FLII: variants seen among roughly 807,000 people sequenced by gnomAD.
The protein encoded by FLII is protein flightless-1 homolog.
FLII carries 101 observed loss-of-function variants against 156.2 expected under a neutral mutation model. That is an observed-to-expected ratio of 0.65 (90% confidence interval 0.55 to 0.76). The LOEUF (loss-of-function observed/expected upper bound fraction) is 0.76, where lower values mean the gene tolerates loss of function less well. Ranked by LOEUF, FLII falls within the 30% of genes least tolerant of loss-of-function variation. The probability of loss-of-function intolerance (pLI) is 0.00; values close to 1 mark genes in which losing one functional copy is unlikely to be tolerated. For missense variants in FLII, 1,675 were observed against 1,682.8 expected, an observed-to-expected ratio of 1.00 and a Z score of 0.08; for synonymous variants, 767 against 685.8, an observed-to-expected ratio of 1.12 and a Z score of -1.85.
rs968545443 is a variant in FLII at position 18,246,070 on chromosome 17, G to T, written c.3268-8C>A. 1.2e-6 allele frequency: 2 copies of T among 1,614,032 alleles called. No homozygotes were observed. The highest frequency in any genetic ancestry group is 1.7e-6 in the Non-Finnish European group (2 of 1,180,030). Reference sequence around the variant, plus strand: ...CTCACTCTCAAAGGGAACCTGGGGAGTGTGCAGGGGTGGGGGTGTTCGCAG... The same window carrying T: ...CTCACTCTCAAAGGGAACCTGGGGATTGTGCAGGGGTGGGGGTGTTCGCAG... On this transcript the variant is annotated splice_region_variant and splice_polypyrimidine_tract_variant and intron_variant, in intron 25 of 29. Transcript: ENST00000327031.
rs1473278067 is a variant in FLII at position 18,258,383 on chromosome 17, C to T, written c.63+245G>A. 1.8e-6 allele frequency: 2 copies of T among 1,121,998 alleles called. No individual in the cohort carries two copies. Among genetic ancestry groups the T allele is most frequent in the Non-Finnish European group, 2.5e-6 (2 of 807,030 alleles). 69.5% of individuals were successfully genotyped at this position (1,121,998 alleles called of 1,614,324 possible). A position where few individuals can be genotyped will look rare whatever the true frequency, so the allele number is the denominator to read the frequency against. On this transcript the variant is annotated intron_variant, in intron 1 of 29. Coordinates refer to ENST00000327031, the MANE Select transcript of FLII (RefSeq NM_002018.4). The surrounding 1 kb of genome is among the most constrained non-coding windows in gnomAD (Gnocchi z 4.2). ...CGCGGGGTGGGGGCTCCCGGCCGGGCCCCCGGCGGGACTCCGAGCCCAAGC... is the reference window on the plus strand; with the variant it reads ...CGCGGGGTGGGGGCTCCCGGCCGGGTCCCCGGCGGGACTCCGAGCCCAAGC...
In FLII at chr17:18,252,063, G is replaced by A; in HGVS notation, c.1182C>T (p.Phe394=). The A allele has an allele frequency of 6.2e-7, 1 of 1,613,376 alleles. No individual in the cohort carries two copies. Among genetic ancestry groups the A allele is most frequent in the East Asian group, 2.2e-5 (1 of 44,888 alleles). ...DRAAEWYNID[F]SLQNQLRLAG... ...CTAGCCGCAGCTGGTTCTGCAGCGAGAAGTCGATGTTGTACCACTCAGCGG... is the reference window on the plus strand; with the variant it reads ...CTAGCCGCAGCTGGTTCTGCAGCGAAAAGTCGATGTTGTACCACTCAGCGG... The change falls in exon 11 of 30, where the codon TTC becomes TTT. Residue 394 remains phenylalanine, a synonymous_variant. Coordinates refer to ENST00000327031, the MANE Select transcript of FLII (RefSeq NM_002018.4).
chr17:18,249,213 G>A lies in FLII; in HGVS notation c.1860-12C>T, dbSNP rs756445924. 5 of 1,614,072 alleles carry A rather than the reference G, an allele frequency of 3.1e-6. No individual in the cohort carries two copies. In the Admixed American group the frequency reaches 6.7e-5, roughly 22 times the overall value. On this transcript the variant is annotated splice_polypyrimidine_tract_variant and intron_variant, in intron 15 of 29. Transcript: ENST00000327031. ...ACACACGATACATCCTGGGCGCAGG[G>A]CAAGAGTGGCTCAGTGTAGGCACCA... is the stretch of plus-strand genomic sequence containing the variant.
Position 18,246,082 on chromosome 17 carries a change from G to A in FLII, c.3268-20C>T. ...GGGAACCTGGGGAGTGTGCAGGGGT[G>A]GGGGTGTTCGCAGCTGACTCAGCCC... is the stretch of plus-strand genomic sequence containing the variant. On this transcript the variant is annotated intron_variant, in intron 25 of 29. Coordinates refer to ENST00000327031, the MANE Select transcript of FLII (RefSeq NM_002018.4). 1.9e-6 allele frequency: 3 copies of A among 1,614,068 alleles called. No individual in the cohort carries two copies. Among genetic ancestry groups the A allele is most frequent in the Non-Finnish European group, 2.5e-6 (3 of 1,180,004 alleles).
In FLII at chr17:18,255,250, C is replaced by T. The variant is rs756056693; in HGVS notation, c.260G>A (p.Arg87Gln). ...SLPSLRAIVARANSLKNSGVP... is the reference protein window; with the variant it reads ...SLPSLRAIVAQANSLKNSGVP... ...TCCGGAATTCTTCAGACTGTTGGCT[C>T]GGGCCACGATGGCCTGGGAATAAAC... The change falls in exon 4 of 30, where the codon CGA (arginine) becomes CAA (glutamine). Residue 87 changes from arginine (R) to glutamine (Q), a missense_variant. Transcript: ENST00000327031. 14 of 1,613,660 alleles carry T rather than the reference C, an allele frequency of 8.7e-6. No homozygotes were observed. Among genetic ancestry groups the T allele is most frequent in the Middle Eastern group, 1.6e-4 (1 of 6,082 alleles).
chr17:18,253,930 C>T, intron 7 of FLII, 149 bp downstream of exon 7: 1 of 749,590 alleles, frequency 1.3e-6, no homozygotes, highest in Non-Finnish European at 2.1e-6. Context: ...GTTAAGGCAT[C>T]ATCATAATCG....
rs182318848 is a variant in FLII, at chr17:18,253,330, G to A, written c.984C>T (p.Asn328=). 46 of 1,613,932 alleles carry A rather than the reference G, an allele frequency of 2.9e-5. No homozygotes were observed. The highest frequency in any genetic ancestry group is 3.5e-5 in the Non-Finnish European group (41 of 1,180,030). ...AGAGACTTTCAGGGACCAGCTCCAG[G>A]TTGTTGTTGGCAGCCATGAACTCTT... ...NLEEFMAANN[N]LELVPESLCR... The change falls in exon 9 of 30, where the codon AAC becomes AAT. Residue 328 remains asparagine (N), a synonymous_variant. Transcript: ENST00000327031.
intron 20 of FLII, 54 bp downstream of exon 20, chr17:18,247,603 G>T: frequency 6.9e-7 from 1 of 1,456,890 alleles, no homozygotes; most frequent in Non-Finnish European, 9.2e-7. Flanking sequence ...AGGGGTCAGG[G>T]CATGTCAGGG....
chr17:18,252,269 T>C, intron 10 of FLII, 123 bp from the exon 11 acceptor site: 1 of 983,558 alleles, frequency 1.0e-6, no homozygotes. Flanking sequence ...TGGGTTCTCC[T>C]CCCACCCACC....
Position 18,252,561 on chromosome 17 carries a change from G to T in FLII, c.1014-5C>A. On this transcript the variant is annotated splice_region_variant and splice_polypyrimidine_tract_variant and intron_variant, in intron 9 of 29. Transcript: ENST00000327031. ...AGTTTCCTCAGCTTTGGGCACCTGT[G>T]AAGACAGGGCCAGCCAGGGCCTCAG... 6.2e-7 allele frequency: 1 copy of T among 1,613,038 alleles called. No homozygotes were observed. The highest frequency in any genetic ancestry group is 8.5e-7 in the Non-Finnish European group (1 of 1,179,544).
chr17:18,246,993 C>G lies in FLII; in HGVS notation c.2736G>C (p.Leu912=). The G allele has an allele frequency of 6.2e-7, 1 of 1,614,138 alleles. No individual in the cohort carries two copies. Among genetic ancestry groups the G allele is most frequent in the South Asian group, 1.1e-5 (1 of 91,088 alleles). ...GCAGCCGCGCAAACTTCTTGCCCTC[C>G]AGCACGAAACCCTCCATGCCGTCTA... The part of the protein sequence containing the change: ...EDLDGMEGFV[L]EGKKFARLPE... Residue 912 remains leucine, a synonymous_variant, in exon 22 of 30, where the codon CTG becomes CTC. Transcript: ENST00000327031.
intron 14 of FLII, among the ~76,000 whole-genome samples, chr17:18,249,819 AAC>A (rs1334229943): frequency 2.7e-5 from 4 of 150,506 alleles, no homozygotes; most frequent in African/African-American, 9.9e-5. Context: ...AACAAACAAC[AAC>A]AAAAAAAACA....
rs767037746 is a variant in FLII, at chr17:18,246,989, C to T, written c.2740G>A (p.Gly914Ser). Residue 914 changes from glycine to serine, a missense_variant, in exon 22 of 30, where the codon GGC (glycine) becomes AGC (serine). By Grantham distance (56) the Gly-to-Ser change is moderately conservative. Around this residue, in one of 2 missense-constraint regions of FLII, gnomAD observed 1,332 missense variants for 1,269.3 expected, o/e 1.05. Transcript: ENST00000327031. ...LDGMEGFVLE[G>S]KKFARLPEEE... ...TCCGGCAGCCGCGCAAACTTCTTGC[C>T]CTCCAGCACGAAACCCTCCATGCCG... is the stretch of plus-strand genomic sequence containing the variant. 27 of 1,614,140 alleles carry T rather than the reference C, an allele frequency of 1.7e-5. No homozygotes were observed. The highest frequency in any genetic ancestry group is 4.0e-5 in the African/African-American group (3 of 75,060).
In FLII at chr17:18,257,171, C is replaced by A. The variant is rs751433018; in HGVS notation, c.64-152G>T. The A allele has an allele frequency of 5.3e-6, 3 of 568,954 alleles. No homozygotes were observed. The Middle Eastern group carries it at 1.2e-3, about 225-fold the overall frequency. 35.2% of individuals were successfully genotyped at this position (568,954 alleles called of 1,614,324 possible). On this transcript the variant is annotated intron_variant, in intron 1 of 29. Transcript: ENST00000327031. ...TCATTTCATCATTGTGCCTCAATTT[C>A]TTCACCCATAGAATGGGAATTTTAA... is the stretch of plus-strand genomic sequence containing the variant.
intron 10 of FLII, 129 bp downstream of exon 10, chr17:18,252,343 C>A (rs539927790): frequency 2.4e-4 from 229 of 938,250 alleles, no homozygotes; most frequent in Non-Finnish European, 3.0e-4. Context: ...GGAGGTGGGG[C>A]CCACCTTCTC....
chr17:18,248,582 C>G lies in FLII; in HGVS notation c.2158G>C (p.Asp720His). ...PSEIKKHVPE[D>H]FWPPQPKLYK... ...AGCTTGGGCTGCGGCGGCCAGAAGT[C>G]TTCAGGCACGTGCTTCTTGATCTCA... is the stretch of plus-strand genomic sequence containing the variant. Residue 720 changes from aspartate (D) to histidine (H), a missense_variant, in exon 18 of 30, where the codon GAC (aspartate) becomes CAC (histidine). This residue lies in a region of FLII where 1,332 missense variants were observed against 1,269.3 expected (regional missense o/e 1.05). Coordinates refer to ENST00000327031, the MANE Select transcript of FLII (RefSeq NM_002018.4). 1.9e-6 allele frequency: 3 copies of G among 1,612,898 alleles called. No individual in the cohort carries two copies. The highest frequency in any genetic ancestry group is 2.5e-6 in the Non-Finnish European group (3 of 1,179,688).
In FLII at chr17:18,246,751, T is replaced by C. The variant is rs201095894; in HGVS notation, c.2894A>G (p.Glu965Gly). The change falls in exon 23 of 30, where the codon GAG becomes GGG. Residue 965 changes from glutamate (E) to glycine (G), a missense_variant. Glu to Gly is a moderately conservative substitution (Grantham distance 98). Around this residue, in one of 2 missense-constraint regions of FLII, gnomAD observed 1,332 missense variants for 1,269.3 expected, o/e 1.05. Coordinates refer to ENST00000327031, the MANE Select transcript of FLII (RefSeq NM_002018.4). ...CTCCTCTGCCTCAGCGGTTGCTTCCTCGCCTTCTTTGCCCTCGGCCTTCTC... is the reference window on the plus strand; with the variant it reads ...CTCCTCTGCCTCAGCGGTTGCTTCCCCGCCTTCTTTGCCCTCGGCCTTCTC... ...KEEKAEGKEG[E>G]EATAEAEEKQ... 6.2e-7 allele frequency: 1 copy of C among 1,613,872 alleles called. No homozygotes were observed. Among genetic ancestry groups the C allele is most frequent in the Non-Finnish European group, 8.5e-7 (1 of 1,179,848 alleles).
intron 25 of FLII, 48 bp from the exon 26 acceptor site, chr17:18,246,110 A>T: frequency 1.9e-6 from 3 of 1,614,034 alleles, no homozygotes; most frequent in Non-Finnish European, 2.5e-6. Context: ...CTCAGCCCCC[A>T]AACACCCCAC....
chr17:18,251,133 G>A, intron 13 of FLII, 116 bp from the exon 14 acceptor site: 2 of 1,414,002 alleles, frequency 1.4e-6, no homozygotes, highest in Non-Finnish European at 1.9e-6. Context: ...CTGCCCCTGT[G>A]CCTGGACCAC....
Sources: allele counts gnomAD v4.1 joint callset (sites outside exome capture counted in the v4.1 genomes callset), GRCh38; gene constraint gnomAD v4.1.1; regional missense constraint gnomAD v4.1.1; non-coding constraint Gnocchi (gnomAD v3.1); transcripts MANE v1.5; gene names NCBI Gene and HGNC (gene_info 2026-07-23, HGNC 2026-07-21).